The following TAF3 variants were observed in gnomAD, a reference collection of about 807,000 sequenced individuals.
TAF3 encodes TATA-box binding protein associated factor 3.
Under a neutral mutation model 80.6 loss-of-function variants are expected in TAF3, and 7 were observed. The observed-to-expected ratio is 0.09, with a 90% CI of 0.05 to 0.16. TAF3 has a LOEUF of 0.16. TAF3 is among the 10% of genes least tolerant of loss of function. TAF3 has a pLI of 1.00. For synonymous variants in TAF3, 444 were observed against 446.1 expected (o/e 1.00, Z 0.06); for missense variants, 921 against 1,140.2 (o/e 0.81, Z 2.77).
intron 2 of TAF3, among the ~76,000 whole-genome samples, chr10:7,960,456 G>A (rs1416955706): frequency 6.6e-6 from 1 of 152,218 alleles, no homozygotes; most frequent in Non-Finnish European, 1.5e-5. Flanking sequence ...CCCAAAGGGA[G>A]TACGTGGTTA....
intron 2 of TAF3, among the ~76,000 whole-genome samples, chr10:7,947,355 T>G (rs954624142): frequency 6.6e-6 from 1 of 152,178 alleles, no homozygotes; most frequent in Non-Finnish European, 1.5e-5. Flanking sequence ...TAGGCGCTGT[T>G]TAGACTCTGG....
intron 2 of TAF3, among the ~76,000 whole-genome samples, chr10:7,869,261 C>CTGTG (rs933023279): frequency 6.6e-6 from 1 of 150,772 alleles, no homozygotes; most frequent in East Asian, 2.0e-4. Context: ...GTGTGTGTGT[C>CTGTG]TGTGTGTGTG....
chr10:7,830,992 C>G (rs1364452249), intron 2 of TAF3, among the ~76,000 whole-genome samples: 1 of 152,194 alleles, frequency 6.6e-6, no homozygotes, highest in Non-Finnish European at 1.5e-5. Context: ...AAGATATCAG[C>G]TGATGATGTC....
intron 2 of TAF3, among the ~76,000 whole-genome samples, chr10:7,844,198 T>G (rs911181015): frequency 3.9e-5 from 6 of 152,206 alleles, no homozygotes; most frequent in African/African-American, 1.2e-4. Context: ...GGCTTTGTGA[T>G]ATCCTATCTG....
In TAF3 at chr10:7,964,816, G is replaced by C. The variant is rs1444116760; in HGVS notation, c.1306G>C (p.Ala436Pro). ...AGGCCCGGAGTGTACTACTCCCAAA[G>C]CTTCCACTTCCGCGAACAATTTCAC... ...ISGPECTTPKASTSANNFTKS... is the reference protein window; with the variant it reads ...ISGPECTTPKPSTSANNFTKS... Residue 436 changes from alanine to proline, a missense_variant, in exon 3 of 7, where the codon GCT (alanine) becomes CCT (proline). Physicochemically the swap from Ala to Pro is conservative, Grantham distance 27 (BLOSUM62 -1). Coordinates refer to ENST00000344293, the MANE Select transcript of TAF3 (RefSeq NM_031923.4). The surrounding 1 kb of genome is among the most constrained non-coding windows in gnomAD (Gnocchi z 4.1). The C allele has an allele frequency of 7.4e-6, 12 of 1,614,014 alleles. 1 individual carries two copies. The highest frequency in any genetic ancestry group is 1.0e-5 in the Non-Finnish European group (12 of 1,180,052).
intron 2 of TAF3, among the ~76,000 whole-genome samples, chr10:7,836,289 CTTTCT>C (rs1205432128): frequency 2.6e-5 from 2 of 76,744 alleles, no homozygotes; most frequent in Non-Finnish European, 4.8e-5. Flanking sequence ...TTTCTTTTTT[CTTTCT>C]TTTTTTTTTT....
At chr10:7,969,061 T>C (rs190086466) in intron 3 of TAF3, among the ~76,000 whole-genome samples, 31 of 152,228 alleles carry the variant, frequency 2.0e-4, no homozygotes, top group Non-Finnish European at 4.0e-4. Context: ...CCCAATAGTT[T>C]AGGAGGCCAA....
At chr10:8,001,493 C>A (rs35222561) in intron 4 of TAF3, among the ~76,000 whole-genome samples, 24,508 of 152,042 alleles carry the variant, frequency 0.16, 2,710 homozygotes, top group African/African-American at 0.31. Flanking sequence ...TATAAGAAGG[C>A]GTAATGCTTT....
intron 4 of TAF3, among the ~76,000 whole-genome samples, chr10:8,007,066 G>A (rs751831940): frequency 3.3e-5 from 5 of 152,188 alleles, no homozygotes; most frequent in Non-Finnish European, 7.3e-5. Context: ...TTCATTTCTA[G>A]GGATGGGGCT....
intron 2 of TAF3, among the ~76,000 whole-genome samples, chr10:7,898,406 CA>C (rs1837526494): frequency 6.6e-6 from 1 of 152,086 alleles, no homozygotes; most frequent in Non-Finnish European, 1.5e-5. Context: ...ATTAGCTGGG[CA>C]TGATGGCGGG....
At chr10:8,002,303 C>A (rs541941811) in intron 4 of TAF3, among the ~76,000 whole-genome samples, 3 of 152,284 alleles carry the variant, frequency 2.0e-5, no homozygotes, top group African/African-American at 7.2e-5. Context: ...GTATTTCTCT[C>A]ACCTGTGCTT....
intron 2 of TAF3, among the ~76,000 whole-genome samples, chr10:7,833,061 T>C (rs1308554925): frequency 6.6e-6 from 1 of 152,218 alleles, no homozygotes; most frequent in Admixed American, 6.5e-5. Context: ...GGCTGAATAG[T>C]ATTCTGTGGT....
At chr10:8,005,692 GT>G in intron 4 of TAF3, among the ~76,000 whole-genome samples, 1 of 152,156 alleles carries the variant, frequency 6.6e-6, no homozygotes, top group African/African-American at 2.4e-5. Flanking sequence ...CATCACTTGT[GT>G]GTTCAACCAG....
At chr10:7,931,438 G>T (rs1253659360) in intron 2 of TAF3, among the ~76,000 whole-genome samples, 1 of 151,890 alleles carries the variant, frequency 6.6e-6, no homozygotes, top group African/African-American at 2.4e-5. Context: ...ATTTTCCATG[G>T]ATACTTGAAA....
Position 7,991,175 on chromosome 10 carries a change from A to G in TAF3, c.2315+13852A>G, listed in dbSNP as rs560100358. ...CTTATGTACATAGATACATACATAT[A>G]TATGTATAGATACACACACACACAT... On this transcript the variant is annotated intron_variant, in intron 4 of 6. Coordinates refer to ENST00000344293, the MANE Select transcript of TAF3 (RefSeq NM_031923.4). Among the ~76,000 whole-genome samples the G allele has an allele frequency of 8.7e-4, 132 of 152,218 alleles. 1 individual carries two copies. The highest frequency in any genetic ancestry group is 3.8e-3 in the Admixed American group (58 of 15,284).
intron 2 of TAF3, among the ~76,000 whole-genome samples, chr10:7,874,565 A>G (rs554341284): frequency 6.6e-6 from 1 of 152,008 alleles, no homozygotes; most frequent in Non-Finnish European, 1.5e-5. Context: ...TATAAGCTCT[A>G]TATATTTAAA....
At chr10:7,905,480 G>A (rs889828788) in intron 2 of TAF3, among the ~76,000 whole-genome samples, 4 of 152,050 alleles carry the variant, frequency 2.6e-5, no homozygotes, top group Non-Finnish European at 4.4e-5. Flanking sequence ...TTTGGATAAC[G>A]AGTTCAGATG....
chr10:7,863,694 T>TATATACACACACATATATATATATACAC (rs1564350905), intron 2 of TAF3, among the ~76,000 whole-genome samples: 29 of 34,594 alleles, frequency 8.4e-4, no homozygotes, highest in East Asian at 2.2e-3. Context: ...TACACACACA[T>TATATACACACACATATATATATATACAC]ATATATATAT....
At chr10:7,951,352 G>T (rs766832420) in intron 2 of TAF3, among the ~76,000 whole-genome samples, 1 of 152,134 alleles carries the variant, frequency 6.6e-6, no homozygotes, top group Non-Finnish European at 1.5e-5. Context: ...GACGAGGCTG[G>T]GATCACCCAT....
Sources: allele counts gnomAD v4.1 joint callset (sites outside exome capture counted in the v4.1 genomes callset), GRCh38; gene constraint gnomAD v4.1.1; non-coding constraint Gnocchi (gnomAD v3.1); transcripts MANE v1.5; gene names NCBI Gene and HGNC (gene_info 2026-07-23, HGNC 2026-07-21).